Variants in IGSF6 observed in about 807,000 individuals in gnomAD.
IGSF6 encodes down-regulated by activation (immunoglobulin superfamily).
In IGSF6, 23 loss-of-function variants were observed where a neutral mutation model predicts 24.7. The observed-to-expected ratio is 0.93, with a 90% CI of 0.67 to 1.32. IGSF6 has a LOEUF of 1.32. IGSF6 is among the 40% of genes most tolerant of loss of function. The pLI, the probability that IGSF6 is intolerant of heterozygous loss-of-function variation, is 0.00. For synonymous variants in IGSF6, 110 were observed against 113.7 expected (o/e 0.97, Z 0.21); for missense variants, 295 against 293.6 (o/e 1.00, Z -0.04).
At chr16:21,649,830 T>C (rs1425907808) in intron 1 of IGSF6, among the ~76,000 whole-genome samples, 1 of 152,152 alleles carries the variant, frequency 6.6e-6, no homozygotes, top group Non-Finnish European at 1.5e-5. Flanking sequence ...CACTGCAGCC[T>C]CTGGAGTAGC....
At chr16:21,649,319 A>G (rs183386926) in intron 1 of IGSF6, among the ~76,000 whole-genome samples, 1 of 152,066 alleles carries the variant, frequency 6.6e-6, no homozygotes, top group Non-Finnish European at 1.5e-5. Flanking sequence ...ATATTTTAGT[A>G]TTTGTGCAAC....
intron 1 of IGSF6, among the ~76,000 whole-genome samples, chr16:21,651,282 A>C: frequency 6.6e-6 from 1 of 151,782 alleles, no homozygotes; most frequent in Non-Finnish European, 1.5e-5. Flanking sequence ...CATTTAAACA[A>C]AGCTGTCTCT....
At chr16:21,644,578 CA>C (rs1966373820) in intron 2 of IGSF6, among the ~76,000 whole-genome samples, 182 bp from the exon 3 acceptor site, 1 of 152,180 alleles carries the variant, frequency 6.6e-6, no homozygotes, top group Admixed American at 6.5e-5. Context: ...GCCAGTTCAT[CA>C]GTTCTTTAAA....
intron 2 of IGSF6, chr16:21,646,922 G>A: frequency 1.7e-6 from 1 of 594,380 alleles, no homozygotes; most frequent in Non-Finnish European, 3.0e-6. Flanking sequence ...TCAAAGTGCT[G>A]GGATTACAGG....
intron 4 of IGSF6, 43 bp downstream of exon 4, chr16:21,643,505 C>A: frequency 7.9e-7 from 1 of 1,272,922 alleles, no homozygotes; most frequent in Non-Finnish European, 1.1e-6. Context: ...ATCGTTACAA[C>A]CAGCCACAAT....
At position 21,647,309 on chromosome 16, in the gene IGSF6, T is replaced by C. The variant is rs1157355589; in HGVS notation, c.251A>G (p.Lys84Arg). Residue 84 changes from lysine (K) to arginine (R), a missense_variant, in exon 2 of 6, where the codon AAA becomes AGA. Coordinates refer to ENST00000268389, the MANE Select transcript of IGSF6 (RefSeq NM_005849.4). ...QPENLCLDGC[K>R]SEADKFTVRE... Reference sequence around the variant, plus strand: ...CACTGTGAACTTGTCTGCCTCACTTTTGCACCCGTCCAAGCACAGGTTCTC... The same window carrying C: ...CACTGTGAACTTGTCTGCCTCACTTCTGCACCCGTCCAAGCACAGGTTCTC... 6.2e-7 allele frequency: 1 copy of C among 1,614,146 alleles called. No individual in the cohort carries two copies. The highest frequency in any genetic ancestry group is 8.5e-7 in the Non-Finnish European group (1 of 1,180,016).
chr16:21,650,663 A>G (rs1966549392), intron 1 of IGSF6, among the ~76,000 whole-genome samples: 1 of 152,154 alleles, frequency 6.6e-6, no homozygotes, highest in Non-Finnish European at 1.5e-5. Flanking sequence ...CAATTAGGCT[A>G]TGTGTGGGAG....
rs1966222064 is a variant in IGSF6, at chr16:21,640,457, A to G, written c.*1077T>C. On this transcript the variant is annotated 3_prime_UTR_variant, in exon 6 of 6. Transcript: ENST00000268389. ...CATTTCCCTCCTAAATTGGTTAAAA[A>G]TCAGTATTATAGACTGTGCGCGGTG... 1 of 151,598 alleles carries G rather than the reference A, an allele frequency of 6.6e-6. No homozygotes were observed. Among genetic ancestry groups the G allele is most frequent in the Admixed American group, 6.6e-5 (1 of 15,210 alleles). The allele number at this position is 151,598 out of a possible 1,614,324, so 9.4% of individuals were successfully genotyped here.
chr16:21,643,054 T>C lies in IGSF6; in HGVS notation c.666+20A>G. On this transcript the variant is annotated intron_variant, in intron 5 of 5. Transcript: ENST00000268389. ...GCTTTATATCTGTATTTACATTTTTTTTTGACATTTTACACTTACAGATTG... is the reference window on the plus strand; with the variant it reads ...GCTTTATATCTGTATTTACATTTTTCTTTGACATTTTACACTTACAGATTG... The C allele has an allele frequency of 6.5e-7, 1 of 1,531,828 alleles. No individual in the cohort carries two copies. Among genetic ancestry groups the C allele is most frequent in the Non-Finnish European group, 9.0e-7 (1 of 1,111,250 alleles). 94.9% of individuals were successfully genotyped at this position (1,531,828 alleles called of 1,614,324 possible). A position where few individuals can be genotyped will look rare whatever the true frequency, so the allele number is the denominator to read the frequency against.
chr16:21,639,963 C>T lies in IGSF6; in HGVS notation c.*1571G>A, dbSNP rs1966205244. Reference sequence around the variant, plus strand: ...TTTATTTATTTATTTATTTTTGAGACAGTCTTGCTCTGTCACCTAGGCTGG... The same window carrying T: ...TTTATTTATTTATTTATTTTTGAGATAGTCTTGCTCTGTCACCTAGGCTGG... On this transcript the variant is annotated 3_prime_UTR_variant, in exon 6 of 6. Coordinates refer to ENST00000268389, the MANE Select transcript of IGSF6 (RefSeq NM_005849.4). The T allele has an allele frequency of 6.9e-6, 1 of 144,176 alleles. No homozygotes were observed. The highest frequency in any genetic ancestry group is 1.5e-5 in the Non-Finnish European group (1 of 65,916). The allele number at this position is 144,176 out of a possible 1,614,324, so 8.9% of individuals were successfully genotyped here. A position where few individuals can be genotyped will look rare whatever the true frequency, so the allele number is the denominator to read the frequency against.
At chr16:21,643,216 A>T (rs1597782950) in intron 4 of IGSF6, 62 bp from the exon 5 acceptor site, 2 of 1,284,432 alleles carry the variant, frequency 1.6e-6, no homozygotes, top group East Asian at 4.6e-5. Flanking sequence ...ATAACGACGC[A>T]TCATCAGAAC....
At chr16:21,652,369 T>C in intron 1 of IGSF6, 163 bp downstream of exon 1, 1 of 492,834 alleles carries the variant, frequency 2.0e-6, no homozygotes, top group Non-Finnish European at 3.5e-6. Context: ...TATTTTTTTA[T>C]TGTCTATTTC....
Position 21,640,029 on chromosome 16 carries a change from C to G in IGSF6, c.*1505G>C, listed in dbSNP as rs530684228. 6.6e-6 allele frequency: 1 copy of G among 152,074 alleles called. No homozygotes were observed. Among genetic ancestry groups the G allele is most frequent in the Admixed American group, 6.6e-5 (1 of 15,264 alleles). The allele number at this position is 152,074 out of a possible 1,614,324, so 9.4% of individuals were successfully genotyped here. A position where few individuals can be genotyped will look rare whatever the true frequency, so the allele number is the denominator to read the frequency against. ...TCTCAGCTCACTGCAACCTCCGCAT[C>G]CTGGGTTCAAGTGATCTCCTGCCTC... On this transcript the variant is annotated 3_prime_UTR_variant, in exon 6 of 6. Transcript: ENST00000268389.
intron 1 of IGSF6, among the ~76,000 whole-genome samples, chr16:21,650,203 C>T (rs1403360183): frequency 6.6e-6 from 1 of 152,050 alleles, no homozygotes; most frequent in Non-Finnish European, 1.5e-5. Flanking sequence ...TTGTGAGATC[C>T]TGTCTCTATA....
chr16:21,652,171 T>C (rs1355162824), intron 1 of IGSF6: 1 of 165,380 alleles, frequency 6.0e-6, no homozygotes, highest in Admixed American at 6.4e-5. Context: ...TAGAAATTGT[T>C]CTTTGAAAAT....
intron 1 of IGSF6, 130 bp from the exon 2 acceptor site, chr16:21,647,622 A>G: frequency 8.5e-7 from 1 of 1,180,852 alleles, no homozygotes; most frequent in Non-Finnish European, 1.2e-6. Flanking sequence ...AAATAAGACT[A>G]AAAATAAACA....
chr16:21,648,803 GT>G, intron 1 of IGSF6, among the ~76,000 whole-genome samples: 1 of 152,198 alleles, frequency 6.6e-6, no homozygotes, highest in Non-Finnish European at 1.5e-5. Flanking sequence ...ATTTGTGTGA[GT>G]TTGTCCTTTG....
chr16:21,647,104 T>G, intron 2 of IGSF6, 29 bp downstream of exon 2: 2 of 1,613,982 alleles, frequency 1.2e-6, no homozygotes, highest in Non-Finnish European at 1.7e-6. Context: ...GATGCAATGA[T>G]GCACTGAAAT....
rs1334054212 is a variant in IGSF6 at position 21,647,434 on chromosome 16, G to C, written c.126C>G (p.Tyr42Ter). 1 of 1,614,070 alleles carries C rather than the reference G, an allele frequency of 6.2e-7. No individual in the cohort carries two copies. The highest frequency in any genetic ancestry group is 8.5e-7 in the Non-Finnish European group (1 of 1,180,000). The change falls in exon 2 of 6, where the codon TAC becomes TAG. Residue 42 changes from tyrosine (Y) to a stop codon, truncating the protein, a stop_gained. Transcript: ENST00000268389. LOFTEE classifies it high-confidence loss of function. ...VTQPWYLEVD[Y>*]THEAVTIKCT... is the part of the protein sequence containing the mutation. The stretch of plus-strand genomic sequence containing the variant: ...ACTTTATGGTGACGGCCTCATGAGT[G>C]TAGTCCACTTCTAGGTACCACGGTT...
Sources: gnomAD v4.1 joint callset for allele counts (sites outside exome capture counted in the v4.1 genomes callset) on GRCh38, gnomAD v4.1.1 for gene constraint, MANE v1.5 for transcripts, NCBI Gene and HGNC (gene_info 2026-07-23, HGNC 2026-07-21) for gene names.